The following IPCEF1 variants were observed in gnomAD, a reference collection of about 807,000 sequenced individuals.
IPCEF1 encodes interactor protein for cytohesin exchange factors 1.
A neutral mutation model predicts 50.9 loss-of-function variants in IPCEF1; 31 were observed. That is an observed-to-expected ratio of 0.61 (90% confidence interval 0.46 to 0.82). IPCEF1 has a LOEUF of 0.82. IPCEF1 is among the 40% of genes least tolerant of loss of function. The pLI is 0.00. For synonymous variants in IPCEF1, 181 were observed against 192.0 expected (o/e 0.94, Z 0.47); for missense variants, 458 against 514.0 (o/e 0.89, Z 1.05).
At chr6:154,320,482 T>C (rs1278679029) in intron 1 of IPCEF1, among the ~76,000 whole-genome samples, 1 of 152,204 alleles carries the variant, frequency 6.6e-6, no homozygotes, top group African/African-American at 2.4e-5. Flanking sequence ...CTGGCTCTAA[T>C]ACCGATTTTA....
chr6:154,282,831 G>T (rs765775330), intron 2 of IPCEF1, among the ~76,000 whole-genome samples: 17 of 152,040 alleles, frequency 1.1e-4, no homozygotes, highest in Non-Finnish European at 2.2e-4. Flanking sequence ...TTTTTCTGGG[G>T]TGTCAGCCAT....
intron 1 of IPCEF1, among the ~76,000 whole-genome samples, chr6:154,326,647 A>C (rs1044917239): frequency 6.6e-6 from 1 of 152,218 alleles, no homozygotes; most frequent in African/African-American, 2.4e-5. Flanking sequence ...GCTCAAAGTA[A>C]CTTATGGATT....
At chr6:154,286,062 T>A (rs1168019250) in intron 2 of IPCEF1, among the ~76,000 whole-genome samples, 1 of 152,198 alleles carries the variant, frequency 6.6e-6, no homozygotes, top group Non-Finnish European at 1.5e-5. Flanking sequence ...AAGAAATCTG[T>A]GGAGAGCTCA....
chr6:154,349,867 A>AT (rs2128701482), intron 1 of IPCEF1, among the ~76,000 whole-genome samples: 1 of 152,328 alleles, frequency 6.6e-6, no homozygotes, highest in Admixed American at 6.5e-5. Context: ...GAAAAAAGAT[A>AT]TTTTTAGTTT....
chr6:154,189,107 C>T (rs1442424471), intron 10 of IPCEF1, among the ~76,000 whole-genome samples: 1 of 152,028 alleles, frequency 6.6e-6, no homozygotes, highest in African/African-American at 2.4e-5. Flanking sequence ...GTATACATTC[C>T]TACAAATCCA....
chr6:154,166,270 T>G (rs1376403840), intron 11 of IPCEF1, among the ~76,000 whole-genome samples: 1 of 152,222 alleles, frequency 6.6e-6, no homozygotes, highest in East Asian at 1.9e-4. Flanking sequence ...ACTAATTCTT[T>G]TCACAAAGTT....
chr6:154,277,684 C>A (rs548028923), intron 2 of IPCEF1, among the ~76,000 whole-genome samples: 3 of 152,128 alleles, frequency 2.0e-5, no homozygotes, highest in African/African-American at 7.2e-5. Flanking sequence ...TAAATTACTG[C>A]GAAGTAATAC....
chr6:154,248,516 A>G (rs566777454), intron 3 of IPCEF1, among the ~76,000 whole-genome samples: 1 of 152,326 alleles, frequency 6.6e-6, no homozygotes, highest in South Asian at 2.1e-4. Context: ...TAATCTTAGT[A>G]CAGCATTTTA....
chr6:154,294,867 A>G (rs1203981526), intron 1 of IPCEF1, among the ~76,000 whole-genome samples: 2 of 152,068 alleles, frequency 1.3e-5, no homozygotes, highest in Non-Finnish European at 2.9e-5. Context: ...GTGAAACCCC[A>G]TCTCTTTTAA....
intron 3 of IPCEF1, among the ~76,000 whole-genome samples, chr6:154,254,133 G>T (rs1445866507): frequency 1.3e-5 from 2 of 151,736 alleles, no homozygotes; most frequent in Non-Finnish European, 2.9e-5. Context: ...TAAATTCATT[G>T]CATTTTGTTC....
chr6:154,212,207 T>C (rs899667362), intron 9 of IPCEF1, among the ~76,000 whole-genome samples: 1 of 152,218 alleles, frequency 6.6e-6, no homozygotes, highest in Non-Finnish European at 1.5e-5. Context: ...CTCCATAGAC[T>C]TCACATTAAT....
chr6:154,221,012 C>T (rs1778822772), intron 7 of IPCEF1, among the ~76,000 whole-genome samples: 1 of 152,220 alleles, frequency 6.6e-6, no homozygotes, highest in South Asian at 2.1e-4. Context: ...TTAATGACTT[C>T]TGTCCACTCC....
rs187220260 is a variant in IPCEF1 at position 154,300,766 on chromosome 6, T to C, written c.-61-11010A>G. ...GAAGAAACAGACATTTTATGCCCCTTAGCAAATTACTCTTGGATGAAATTG... is the reference window on the plus strand; with the variant it reads ...GAAGAAACAGACATTTTATGCCCCTCAGCAAATTACTCTTGGATGAAATTG... On this transcript the variant is annotated intron_variant, in intron 1 of 11. Transcript: ENST00000367220. Among the ~76,000 whole-genome samples, 22 of 152,342 alleles carry C rather than the reference T, an allele frequency of 1.4e-4. No individual in the cohort carries two copies. In the East Asian group the frequency reaches 3.9e-3, roughly 27 times the overall value.
chr6:154,165,388 A>C (rs1426467033), intron 11 of IPCEF1, among the ~76,000 whole-genome samples: 1 of 152,194 alleles, frequency 6.6e-6, no homozygotes, highest in Non-Finnish European at 1.5e-5. Context: ...TTCCAACATG[A>C]ACATGCACAC....
rs554100152 is a variant in IPCEF1, at chr6:154,168,264, C to T, written c.911-151G>A. On this transcript the variant is annotated intron_variant, in intron 10 of 11. Coordinates refer to ENST00000367220, the MANE Select transcript of IPCEF1 (RefSeq NM_001130700.2). This position sits in a 1 kb window ranked among gnomAD's most constrained non-coding sequence, Gnocchi z 4.1. ...CTGAAAGACAATAAATGTTTGCTGT[C>T]TAAGCCACCCAGTTTGCGATACTTT... is the stretch of plus-strand genomic sequence containing the variant. 7 of 573,862 alleles carry T rather than the reference C, an allele frequency of 1.2e-5. No homozygotes were observed. The East Asian group carries it at 1.4e-4, about 11-fold the overall frequency. 35.5% of individuals were successfully genotyped at this position (573,862 alleles called of 1,614,324 possible).
chr6:154,349,764 T>G (rs1784092113), intron 1 of IPCEF1, among the ~76,000 whole-genome samples: 1 of 152,104 alleles, frequency 6.6e-6, no homozygotes, highest in South Asian at 2.1e-4. Flanking sequence ...AAAAAATCTA[T>G]CCAGTCACAG....
At chr6:154,221,211 A>C (rs1778837054) in intron 7 of IPCEF1, 46 bp downstream of exon 7, 2 of 1,372,302 alleles carry the variant, frequency 1.5e-6, no homozygotes, top group Non-Finnish European at 2.1e-6. Flanking sequence ...GCTAAAGTTA[A>C]GTATATTCCC....
intron 11 of IPCEF1, among the ~76,000 whole-genome samples, chr6:154,160,866 A>C (rs1020103715): frequency 6.6e-6 from 1 of 152,186 alleles, no homozygotes; most frequent in Non-Finnish European, 1.5e-5. Context: ...CTGCTGCCAC[A>C]GCCTCCTGAG....
chr6:154,323,083 C>G (rs1783430746), intron 1 of IPCEF1, among the ~76,000 whole-genome samples: 1 of 152,142 alleles, frequency 6.6e-6, no homozygotes, highest in Non-Finnish European at 1.5e-5. Flanking sequence ...GTGTTGTCAG[C>G]TCTGCATCCC....
Sources: allele counts gnomAD v4.1 joint callset (sites outside exome capture counted in the v4.1 genomes callset), GRCh38; gene constraint gnomAD v4.1.1; non-coding constraint Gnocchi (gnomAD v3.1); transcripts MANE v1.5; gene names NCBI Gene and HGNC (gene_info 2026-07-23, HGNC 2026-07-21).